Variants in ANKH observed in about 807,000 individuals in gnomAD.
The protein encoded by ANKH is mineralization regulator ANKH.
Under a neutral mutation model 49.0 loss-of-function variants are expected in ANKH, and 15 were observed. The observed-to-expected ratio is 0.31, with a 90% CI of 0.20 to 0.47. The LOEUF (loss-of-function observed/expected upper bound fraction) is 0.47. Ranked by LOEUF, ANKH falls within the 20% of genes least tolerant of loss-of-function variation. The probability of loss-of-function intolerance (pLI) is 1.00; values close to 1 mark genes in which losing one functional copy is unlikely to be tolerated. For missense variants in ANKH, 429 were observed against 652.0 expected (o/e 0.66, Z 3.72); for synonymous variants, 273 against 260.0 (o/e 1.05, Z -0.48).
At position 14,756,204 on chromosome 5, in the gene ANKH, A is replaced by C. The variant is rs1211344138; in HGVS notation, c.433-260T>G. Among the ~76,000 whole-genome samples, 4 of 152,218 alleles carry C rather than the reference A, an allele frequency of 2.6e-5. No homozygotes were observed. The East Asian group carries it at 7.7e-4, about 29-fold the overall frequency. On this transcript the variant is annotated intron_variant, in intron 3 of 11. Transcript: ENST00000284268. ...ATTGTATGTAGACTAGTGCGCTATTAGGTTTGTATGCCTGGCAGGAAAGCT... is the reference window on the plus strand; with the variant it reads ...ATTGTATGTAGACTAGTGCGCTATTCGGTTTGTATGCCTGGCAGGAAAGCT...
chr5:14,711,145 C>T lies in ANKH; in HGVS notation c.*52G>A, dbSNP rs369937597. ...CGATGGGAGAGGGAAGAGATGATGC[C>T]GAAGTGTCATCCTGACTGACTGTCC... On this transcript the variant is annotated 3_prime_UTR_variant, in exon 12 of 12. Transcript: ENST00000284268. 807 of 1,435,572 alleles carry T rather than the reference C, an allele frequency of 5.6e-4. 1 individual carries two copies. The African/African-American group carries it at 6.0e-3, about 11-fold the overall frequency. 88.9% of individuals were successfully genotyped at this position (1,435,572 alleles called of 1,614,324 possible).
chr5:14,784,429 C>T (rs1739908282), intron 1 of ANKH, among the ~76,000 whole-genome samples: 1 of 152,198 alleles, frequency 6.6e-6, no homozygotes, highest in African/African-American at 2.4e-5. Flanking sequence ...AAACACGTCT[C>T]TACCATCATC....
chr5:14,758,345 T>C (rs1055925169), intron 3 of ANKH, 135 bp downstream of exon 3: 4 of 734,142 alleles, frequency 5.4e-6, no homozygotes, highest in Non-Finnish European at 9.6e-6. Flanking sequence ...GAAGATTGGT[T>C]ACACAATAAT....
chr5:14,789,235 C>G, intron 1 of ANKH, among the ~76,000 whole-genome samples: 1 of 151,798 alleles, frequency 6.6e-6, no homozygotes, highest in East Asian at 1.9e-4. Context: ...TCTCCAAAAA[C>G]AACAACAACA....
intron 8 of ANKH, among the ~76,000 whole-genome samples, chr5:14,718,896 G>GTAAGA (rs2126421078): frequency 6.7e-6 from 1 of 150,000 alleles, no homozygotes; most frequent in East Asian, 2.0e-4. Context: ...CAAGTTAGCA[G>GTAAGA]TAAGATAAGT....
At chr5:14,867,039 C>A (rs919156271) in intron 1 of ANKH, among the ~76,000 whole-genome samples, 5 of 151,990 alleles carry the variant, frequency 3.3e-5, no homozygotes, top group Admixed American at 3.3e-4. Context: ...CGCCTGTAGT[C>A]CCCGCTACTC....
intron 1 of ANKH, among the ~76,000 whole-genome samples, chr5:14,854,377 GCTC>G: frequency 6.6e-6 from 1 of 152,138 alleles, no homozygotes; most frequent in South Asian, 2.1e-4. Context: ...CCACAACCTA[GCTC>G]TTTTAAAGCT....
At chr5:14,764,701 G>A (rs1266076584) in intron 2 of ANKH, among the ~76,000 whole-genome samples, 3 of 152,188 alleles carry the variant, frequency 2.0e-5, no homozygotes, top group Non-Finnish European at 4.4e-5. Flanking sequence ...TTAAATTATG[G>A]CAAATTATAC....
chr5:14,871,526 ACGGG>A lies in ANKH; in HGVS notation c.-83_-80del, dbSNP rs1735826911. The A allele has an allele frequency of 5.7e-5, 61 of 1,064,824 alleles. No homozygotes were observed. Among genetic ancestry groups the A allele is most frequent in the Admixed American group, 1.2e-4 (5 of 42,128 alleles). The allele number at this position is 1,064,824 out of a possible 1,614,324, so 66.0% of individuals were successfully genotyped here. A position where few individuals can be genotyped will look rare whatever the true frequency, so the allele number is the denominator to read the frequency against. ...CGGGGAGGCGAGGGGCGACGGGGCG[ACGGG>A]GCGAGCGGGGCGCGGGCCGACAGAG... On this transcript the variant is annotated 5_prime_UTR_variant, in exon 1 of 12. Transcript: ENST00000284268.
chr5:14,711,024 T>C lies in ANKH; in HGVS notation c.*173A>G, dbSNP rs2126391971. 1.5e-6 allele frequency: 1 copy of C among 675,768 alleles called. No individual in the cohort carries two copies. Among genetic ancestry groups the C allele is most frequent in the South Asian group, 1.6e-5 (1 of 62,250 alleles). 41.9% of individuals were successfully genotyped at this position (675,768 alleles called of 1,614,324 possible). A position where few individuals can be genotyped will look rare whatever the true frequency, so the allele number is the denominator to read the frequency against. On this transcript the variant is annotated 3_prime_UTR_variant, in exon 12 of 12. Coordinates refer to ENST00000284268, the MANE Select transcript of ANKH (RefSeq NM_054027.6). ...ACCATTCACTAGGTCCCCCCGTCAG[T>C]GTGAGCATACCCAGTATGCTAGAGA...
At chr5:14,717,973 G>C (rs1737534933) in intron 8 of ANKH, among the ~76,000 whole-genome samples, 1 of 152,164 alleles carries the variant, frequency 6.6e-6, no homozygotes, top group African/African-American at 2.4e-5. Context: ...TTAAGAGAAG[G>C]ATGACATTTG....
At position 14,793,058 on chromosome 5, in the gene ANKH, A is replaced by ATATAT. The variant is rs145425597; in HGVS notation, c.97-23868_97-23867insATATA. Among the ~76,000 whole-genome samples the ATATAT allele has an allele frequency of 8.9e-4, 76 of 85,328 alleles. 1 individual carries two copies. Among genetic ancestry groups the ATATAT allele is most frequent in the African/African-American group, 3.4e-3 (73 of 21,176 alleles). The allele number at this position is 85,328 out of a possible 152,430, so 56.0% of individuals were successfully genotyped here. A position where few individuals can be genotyped will look rare whatever the true frequency, so the allele number is the denominator to read the frequency against. On this transcript the variant is annotated intron_variant, in intron 1 of 11. Coordinates refer to ENST00000284268, the MANE Select transcript of ANKH (RefSeq NM_054027.6). ...TAAAAATATATATATAAATATATATAAAATATATATAAATATATAAAAATA... is the reference window on the plus strand; with the variant it reads ...TAAAAATATATATATAAATATATATATATATAAATATATATAAATATATAAAAATA...
chr5:14,789,985 C>T (rs1011118946), intron 1 of ANKH, among the ~76,000 whole-genome samples: 2 of 152,212 alleles, frequency 1.3e-5, no homozygotes, highest in African/African-American at 2.4e-5. Context: ...GCTGGGATTA[C>T]AGGCGTGAGC....
intron 7 of ANKH, among the ~76,000 whole-genome samples, chr5:14,744,564 C>CCT (rs1554002328): frequency 6.6e-6 from 1 of 151,914 alleles, no homozygotes; most frequent in Non-Finnish European, 1.5e-5. Flanking sequence ...TGGAGGTGGA[C>CCT]GTGTGTGTGT....
chr5:14,790,960 G>A (rs1487855497), intron 1 of ANKH, among the ~76,000 whole-genome samples: 1 of 152,104 alleles, frequency 6.6e-6, no homozygotes, highest in Non-Finnish European at 1.5e-5. Context: ...GGCCTGTGCT[G>A]GGCATTTTCT....
chr5:14,793,023 T>TATATATATATTTATATATATATATAA (rs1740233974), intron 1 of ANKH, among the ~76,000 whole-genome samples: 16 of 66,556 alleles, frequency 2.4e-4, no homozygotes, highest in African/African-American at 9.7e-4. Context: ...TATATATAAA[T>TATATATATATTTATATATATATATAA]ATATATATAT....
intron 8 of ANKH, among the ~76,000 whole-genome samples, chr5:14,731,334 C>A (rs1398949294): frequency 1.3e-5 from 2 of 152,124 alleles, no homozygotes; most frequent in Non-Finnish European, 2.9e-5. Context: ...ACGTAAGAAC[C>A]CCCATAAGAA....
intron 1 of ANKH, among the ~76,000 whole-genome samples, chr5:14,834,515 T>G (rs1468098805): frequency 6.6e-6 from 1 of 152,212 alleles, no homozygotes; most frequent in Non-Finnish European, 1.5e-5. Context: ...GCGCAGTGGC[T>G]CATGCCTGTA....
At chr5:14,827,572 C>T (rs558842070) in intron 1 of ANKH, among the ~76,000 whole-genome samples, 45 of 152,342 alleles carry the variant, frequency 3.0e-4, no homozygotes, top group African/African-American at 9.1e-4. Context: ...GCCCCTGCTG[C>T]GGGCACATCC....
Sources: gnomAD v4.1 joint callset for allele counts (sites outside exome capture counted in the v4.1 genomes callset) on GRCh38, gnomAD v4.1.1 for gene constraint, MANE v1.5 for transcripts, NCBI Gene and HGNC (gene_info 2026-07-23, HGNC 2026-07-21) for gene names.